The following CENPP variants were observed in gnomAD, a reference collection of about 807,000 sequenced individuals.
The protein encoded by CENPP is centromere protein P.
CENPP carries 24 observed loss-of-function variants against 35.6 expected under a neutral mutation model. That is an observed-to-expected ratio of 0.67 (90% CI 0.49 to 0.95). CENPP has a LOEUF of 0.95. CENPP is among the 40% of genes least tolerant of loss of function. The probability of loss-of-function intolerance (pLI) is 0.00; values close to 1 mark genes in which losing one functional copy is unlikely to be tolerated. For synonymous variants in CENPP, 120 were observed against 125.5 expected (o/e 0.96, Z 0.29); for missense variants, 332 against 345.3 (o/e 0.96, Z 0.31).
At chr9:92,345,079 G>C (rs1200925140) in intron 3 of CENPP, among the ~76,000 whole-genome samples, 1 of 151,370 alleles carries the variant, frequency 6.6e-6, no homozygotes, top group African/African-American at 2.4e-5. Flanking sequence ...GTGAAACCCC[G>C]TCTCTACTAA....
chr9:92,422,269 G>A (rs534729330), intron 5 of CENPP, among the ~76,000 whole-genome samples: 2 of 152,190 alleles, frequency 1.3e-5, no homozygotes, highest in Non-Finnish European at 2.9e-5. Flanking sequence ...GGCCAGCCTG[G>A]TCTCGAACTC....
chr9:92,538,538 G>A (rs934940736), intron 5 of CENPP, among the ~76,000 whole-genome samples: 5 of 152,136 alleles, frequency 3.3e-5, no homozygotes, highest in African/African-American at 9.7e-5. Context: ...ACAGCACTGA[G>A]GAATACCAGT....
chr9:92,365,420 T>A (rs1841862540), intron 4 of CENPP, among the ~76,000 whole-genome samples: 1 of 146,904 alleles, frequency 6.8e-6, no homozygotes, highest in Non-Finnish European at 1.5e-5. Context: ...TTTTTTTTTT[T>A]TTTTTTTTGA....
intron 5 of CENPP, among the ~76,000 whole-genome samples, chr9:92,563,770 CCCCTCCCTACCCCTCTTCCTCCT>C (rs1022807616): frequency 7.4e-6 from 1 of 134,618 alleles, no homozygotes; most frequent in Non-Finnish European, 1.5e-5. Flanking sequence ...CTCTTCCTCC[CCCCTCCCTACCCCTCTTCCTCCT>C]CCTCCTCCTC....
At chr9:92,610,197 T>A (rs952904474) in intron 5 of CENPP, among the ~76,000 whole-genome samples, 2 of 152,200 alleles carry the variant, frequency 1.3e-5, no homozygotes, top group East Asian at 3.9e-4. Context: ...CTGGGACTAC[T>A]GGCACGTGCC....
At chr9:92,338,048 A>T (rs911067775) in intron 3 of CENPP, among the ~76,000 whole-genome samples, 6 of 152,200 alleles carry the variant, frequency 3.9e-5, no homozygotes, top group Non-Finnish European at 7.3e-5. Context: ...ATGGTGGCTC[A>T]CACCTGTAGT....
chr9:92,332,277 CGCTT>C lies in CENPP; in HGVS notation c.216_219del (p.Thr74AlafsTer4). 6.2e-7 allele frequency: 1 copy of C among 1,612,142 alleles called. No individual in the cohort carries two copies. Among genetic ancestry groups the C allele is most frequent in the Non-Finnish European group, 8.5e-7 (1 of 1,178,974 alleles). ...GAATCAGAACTTTCATTTCTAAGTA[CGCTT>C]ACTGGCATCAATATAAGAAATCACT... On this transcript the variant is annotated frameshift_variant, in exon 2 of 8. Coordinates refer to ENST00000375587, the MANE Select transcript of CENPP (RefSeq NM_001012267.3). LOFTEE classifies it high-confidence loss of function.
At chr9:92,589,502 T>C (rs774183144) in intron 5 of CENPP, among the ~76,000 whole-genome samples, 2 of 152,076 alleles carry the variant, frequency 1.3e-5, no homozygotes, top group African/African-American at 2.4e-5. Context: ...TATGCCCTTG[T>C]CTGTCAACCC....
At chr9:92,580,205 A>T (rs1850386616) in intron 5 of CENPP, among the ~76,000 whole-genome samples, 1 of 152,054 alleles carries the variant, frequency 6.6e-6, no homozygotes, top group Non-Finnish European at 1.5e-5. Context: ...TCGGTTTGCC[A>T]GTATTTTATT....
chr9:92,575,224 A>G (rs1850251438), intron 5 of CENPP, among the ~76,000 whole-genome samples: 1 of 152,222 alleles, frequency 6.6e-6, no homozygotes, highest in Non-Finnish European at 1.5e-5. Context: ...GTGAAAATGT[A>G]AAAGTTTTGT....
intron 4 of CENPP, among the ~76,000 whole-genome samples, chr9:92,351,208 T>C (rs1464874122): frequency 6.6e-6 from 1 of 152,144 alleles, no homozygotes; most frequent in African/African-American, 2.4e-5. Flanking sequence ...ACAGAAACTT[T>C]GGCCAGGTGT....
intron 5 of CENPP, among the ~76,000 whole-genome samples, chr9:92,545,777 T>C (rs892152673): frequency 2.6e-5 from 4 of 152,196 alleles, no homozygotes; most frequent in South Asian, 2.1e-4. Context: ...ATTGTAGATA[T>C]ACCAGTCAGC....
intron 5 of CENPP, chr9:92,512,033 C>T (rs1257683701): frequency 4.3e-6 from 7 of 1,612,748 alleles, no homozygotes; most frequent in Non-Finnish European, 3.4e-6. Context: ...TGGACCTATG[C>T]CTGAAGAAGT....
intron 5 of CENPP, among the ~76,000 whole-genome samples, chr9:92,458,059 T>C (rs978199697): frequency 6.6e-6 from 1 of 152,202 alleles, no homozygotes; most frequent in African/African-American, 2.4e-5. Context: ...GAAAGATCTA[T>C]CAACATCCTA....
chr9:92,372,431 C>T (rs1842032508), intron 4 of CENPP, among the ~76,000 whole-genome samples: 1 of 151,794 alleles, frequency 6.6e-6, no homozygotes, highest in African/African-American at 2.4e-5. Context: ...ATTCTTTGTT[C>T]CTGTCTTTTT....
chr9:92,343,059 A>C (rs1374989410), intron 3 of CENPP, among the ~76,000 whole-genome samples: 1 of 152,242 alleles, frequency 6.6e-6, no homozygotes, highest in African/African-American at 2.4e-5. Flanking sequence ...GGAGAGGTTT[A>C]GCTATCTGAA....
intron 5 of CENPP, among the ~76,000 whole-genome samples, chr9:92,455,590 T>C (rs1844849947): frequency 6.6e-6 from 1 of 152,104 alleles, no homozygotes; most frequent in Admixed American, 6.6e-5. Context: ...TACCCATTCT[T>C]AACCTCGAAA....
intron 5 of CENPP, among the ~76,000 whole-genome samples, chr9:92,591,423 TA>T (rs1850661473): frequency 6.9e-6 from 1 of 144,756 alleles, no homozygotes; most frequent in Non-Finnish European, 1.5e-5. Context: ...TGTCTCAAAA[TA>T]AATAAATAAA....
chr9:92,518,578 A>G (rs765634234), intron 5 of CENPP, among the ~76,000 whole-genome samples: 1 of 152,160 alleles, frequency 6.6e-6, no homozygotes, highest in Non-Finnish European at 1.5e-5. Flanking sequence ...TATGATTCAC[A>G]TACTATAATA....
Sources: gnomAD v4.1 joint callset for allele counts (sites outside exome capture counted in the v4.1 genomes callset) on GRCh38, gnomAD v4.1.1 for gene constraint, MANE v1.5 for transcripts, NCBI Gene and HGNC (gene_info 2026-07-23, HGNC 2026-07-21) for gene names.